CSMD3: variants seen among roughly 807,000 people sequenced by gnomAD.
The protein encoded by CSMD3 is CUB and sushi domain-containing protein 3.
CSMD3 carries 177 observed loss-of-function variants against 435.2 expected under a neutral mutation model. The observed-to-expected ratio is 0.41, with a 90% CI of 0.36 to 0.46. CSMD3 has a LOEUF of 0.46. Ranked by LOEUF, CSMD3 falls within the 20% of genes least tolerant of loss-of-function variation. CSMD3 has a pLI of 0.34. For synonymous variants in CSMD3, 1,656 were observed against 1,520.5 expected (o/e 1.09, Z -2.07); for missense variants, 4,265 against 4,504.6 (o/e 0.95, Z 1.52).
intron 19 of CSMD3, among the ~76,000 whole-genome samples, chr8:112,646,810 T>C (rs1259937114): frequency 1.3e-5 from 2 of 152,102 alleles, no homozygotes; most frequent in African/African-American, 4.8e-5. Context: ...TCATAGTAAA[T>C]AGTGAAGAAA....
chr8:112,477,214 G>A (rs770696443), intron 31 of CSMD3, among the ~76,000 whole-genome samples: 6 of 151,740 alleles, frequency 4.0e-5, no homozygotes, highest in South Asian at 2.1e-4. Flanking sequence ...TTCTTTCTGC[G>A]ATGGAAATTG....
At chr8:113,066,672 T>C (rs962207054) in intron 5 of CSMD3, among the ~76,000 whole-genome samples, 10 of 152,076 alleles carry the variant, frequency 6.6e-5, no homozygotes, top group Non-Finnish European at 8.8e-5. Flanking sequence ...CAATCATGCA[T>C]ATCATAAAGG....
At chr8:112,958,975 C>T (rs576376602) in intron 7 of CSMD3, among the ~76,000 whole-genome samples, 1 of 152,104 alleles carries the variant, frequency 6.6e-6, no homozygotes, top group South Asian at 2.1e-4. Context: ...TCAATTGGTC[C>T]TTTTATCACT....
chr8:112,905,901 A>G (rs757302680), intron 10 of CSMD3, among the ~76,000 whole-genome samples: 2 of 151,386 alleles, frequency 1.3e-5, no homozygotes, highest in African/African-American at 2.4e-5. Flanking sequence ...CAAATACCCA[A>G]TGTGATAGCA....
intron 27 of CSMD3, among the ~76,000 whole-genome samples, chr8:112,527,671 A>G (rs1352064282): frequency 6.6e-6 from 1 of 152,014 alleles, no homozygotes; most frequent in Non-Finnish European, 1.5e-5. Context: ...TGGTTTTCTC[A>G]GTAAAACAAG....
At chr8:112,238,600 G>T (rs1223845883) in intron 66 of CSMD3, among the ~76,000 whole-genome samples, 1 of 151,422 alleles carries the variant, frequency 6.6e-6, no homozygotes, top group Admixed American at 6.6e-5. Context: ...GATTTTAAAT[G>T]AAATACTGCT....
At chr8:112,361,089 G>A (rs968832696) in intron 38 of CSMD3, among the ~76,000 whole-genome samples, 4 of 151,928 alleles carry the variant, frequency 2.6e-5, no homozygotes, top group African/African-American at 4.8e-5. Flanking sequence ...TTTTTTTGTA[G>A]AAATGTGGAA....
intron 10 of CSMD3, among the ~76,000 whole-genome samples, chr8:112,905,074 A>G (rs1251580849): frequency 6.6e-6 from 1 of 151,388 alleles, no homozygotes; most frequent in Non-Finnish European, 1.5e-5. Flanking sequence ...GGGAATTCTC[A>G]TAAGAAAATA....
At chr8:112,747,972 A>AAAAAAAAAAAAAAAC (rs2077477494) in intron 13 of CSMD3, among the ~76,000 whole-genome samples, 1 of 151,476 alleles carries the variant, frequency 6.6e-6, no homozygotes, top group Non-Finnish European at 1.5e-5. Flanking sequence ...CAAAAAAAAA[A>AAAAAAAAAAAAAAAC]AAAAAAAAAA....
intron 4 of CSMD3, among the ~76,000 whole-genome samples, chr8:113,109,001 A>G (rs2090562059): frequency 6.6e-6 from 1 of 152,236 alleles, no homozygotes; most frequent in African/African-American, 2.4e-5. Context: ...AGAAGAATAT[A>G]CAGCTGAAAA....
intron 30 of CSMD3, among the ~76,000 whole-genome samples, chr8:112,496,581 A>T (rs550101004): frequency 6.6e-6 from 1 of 152,062 alleles, no homozygotes; most frequent in Non-Finnish European, 1.5e-5. Context: ...ACAAATGCAT[A>T]AAAAAAAGTG....
intron 23 of CSMD3, among the ~76,000 whole-genome samples, chr8:112,574,315 T>C (rs1441517271): frequency 1.3e-5 from 2 of 152,006 alleles, no homozygotes; most frequent in Admixed American, 6.6e-5. Flanking sequence ...AGGTCAGTAA[T>C]ATAGATTCTT....
intron 10 of CSMD3, among the ~76,000 whole-genome samples, chr8:112,902,502 C>T (rs1462528145): frequency 6.6e-6 from 1 of 151,102 alleles, no homozygotes; most frequent in Non-Finnish European, 1.5e-5. Flanking sequence ...GTGCAGTGGC[C>T]CCTCAGTTCA....
At chr8:113,335,227 C>T (rs571373901) in intron 1 of CSMD3, among the ~76,000 whole-genome samples, 6 of 152,092 alleles carry the variant, frequency 3.9e-5, no homozygotes, top group Non-Finnish European at 8.8e-5. Flanking sequence ...CTGATGCTGC[C>T]GTACTTTCTT....
intron 61 of CSMD3, chr8:112,255,781 C>T: frequency 3.7e-6 from 1 of 273,298 alleles, no homozygotes; most frequent in South Asian, 4.2e-5. Context: ...GTAGGTGACT[C>T]ATAGGTGTCC....
intron 22 of CSMD3, among the ~76,000 whole-genome samples, chr8:112,606,984 A>AG (rs1301772195): frequency 8.0e-5 from 12 of 150,190 alleles, no homozygotes; most frequent in African/African-American, 2.7e-4. Context: ...AAAAAAAAAA[A>AG]AAAAAAAAAA....
Position 112,578,341 on chromosome 8 carries a change from A to G in CSMD3, c.3886-4684T>C, listed in dbSNP as rs940339724. 3.9e-5 allele frequency among the ~76,000 whole-genome samples: 6 copies of G among 152,000 alleles called. No individual in the cohort carries two copies. The East Asian group carries it at 1.2e-3, about 29-fold the overall frequency. On this transcript the variant is annotated intron_variant, in intron 23 of 70. Transcript: ENST00000297405. ...ACAGGGGCATTCGGTTTTTTGTTAT[A>G]TAATAGAGTTGAACTTCCAACTCTA...
At chr8:112,336,098 G>A (rs1429771878) in intron 44 of CSMD3, among the ~76,000 whole-genome samples, 1 of 151,958 alleles carries the variant, frequency 6.6e-6, no homozygotes, top group Admixed American at 6.6e-5. Flanking sequence ...TTTTTCTAGA[G>A]AGAGTCTCAC....
At chr8:112,545,051 T>G (rs766016334) in intron 27 of CSMD3, among the ~76,000 whole-genome samples, 15 of 152,176 alleles carry the variant, frequency 9.9e-5, no homozygotes, top group Non-Finnish European at 2.1e-4. Flanking sequence ...CTACACATAC[T>G]TCAAGAACAC....
Sources: allele counts gnomAD v4.1 joint callset (sites outside exome capture counted in the v4.1 genomes callset), GRCh38; gene constraint gnomAD v4.1.1; transcripts MANE v1.5; gene names NCBI Gene and HGNC (gene_info 2026-07-23, HGNC 2026-07-21).